Variants in NSMCE2 observed in about 807,000 individuals in gnomAD.
The protein encoded by NSMCE2 is NSE2 SUMO ligase component of SMC5/6 complex.
In NSMCE2, 24 loss-of-function variants were observed where a neutral mutation model predicts 23.8. The observed-to-expected ratio is 1.01, with a 90% CI of 0.73 to 1.42. NSMCE2 has a LOEUF of 1.42. Ranked by LOEUF, NSMCE2 falls within the 40% of genes most tolerant of loss-of-function variation. The probability of loss-of-function intolerance (pLI) is 0.00; values close to 1 mark genes in which losing one functional copy is unlikely to be tolerated. For missense variants in NSMCE2, 284 were observed against 296.5 expected (o/e 0.96, Z 0.31); for synonymous variants, 92 against 94.1 (o/e 0.98, Z 0.13).
intron 3 of NSMCE2, among the ~76,000 whole-genome samples, chr8:125,139,243 A>T (rs1820229193): frequency 6.6e-6 from 1 of 152,236 alleles, no homozygotes; most frequent in African/African-American, 2.4e-5. Context: ...TGTTTGCCTT[A>T]TTCACCACTG....
chr8:125,280,503 ACT>A (rs1827647084), intron 5 of NSMCE2, among the ~76,000 whole-genome samples: 1 of 152,240 alleles, frequency 6.6e-6, no homozygotes, highest in African/African-American at 2.4e-5. Flanking sequence ...AGCTGAGTTG[ACT>A]CTGGACTTTC....
At position 125,306,701 on chromosome 8, in the gene NSMCE2, T is replaced by C. The variant is rs567231116; in HGVS notation, c.419-50518T>C. ...ACCCAGTCTCAATTTATGGACTTTA[T>C]CTTGATATCCAGTCTTCATTTTGGT... is the stretch of plus-strand genomic sequence containing the variant. On this transcript the variant is annotated intron_variant, in intron 5 of 7. Coordinates refer to ENST00000287437, the MANE Select transcript of NSMCE2 (RefSeq NM_173685.4). Among the ~76,000 whole-genome samples, 10 of 152,344 alleles carry C rather than the reference T, an allele frequency of 6.6e-5. No individual in the cohort carries two copies. In the East Asian group the frequency reaches 1.9e-3, roughly 29 times the overall value.
intron 5 of NSMCE2, among the ~76,000 whole-genome samples, chr8:125,224,751 A>T (rs75530622): frequency 6.6e-6 from 1 of 152,150 alleles, no homozygotes; most frequent in Non-Finnish European, 1.5e-5. Context: ...AGGTAGGTAG[A>T]TAGTGTTATC....
chr8:125,343,547 G>A (rs900087000), intron 5 of NSMCE2, among the ~76,000 whole-genome samples: 5 of 152,136 alleles, frequency 3.3e-5, no homozygotes, highest in Non-Finnish European at 7.3e-5. Context: ...GCTGAGGTAG[G>A]AGGATTGCTT....
Position 125,136,483 on chromosome 8 carries a change from G to A in NSMCE2, c.158-14688G>A, listed in dbSNP as rs116567331. Among the ~76,000 whole-genome samples the A allele has an allele frequency of 5.6e-3, 853 of 152,212 alleles. 10 individuals carry two copies. The highest frequency in any genetic ancestry group is 0.019 in the African/African-American group (803 of 41,542). The stretch of plus-strand genomic sequence containing the variant: ...TGTTTTAGGTCTTGCATATAGTTTG[G>A]TTCTGTTTGGTTGCAGAGACTAGGT... On this transcript the variant is annotated intron_variant, in intron 3 of 7. Coordinates refer to ENST00000287437, the MANE Select transcript of NSMCE2 (RefSeq NM_173685.4).
intron 5 of NSMCE2, among the ~76,000 whole-genome samples, chr8:125,296,275 A>G (rs75930542): frequency 0.062 from 9,445 of 152,244 alleles, 376 homozygotes; most frequent in Non-Finnish European, 0.085. Context: ...GACATATTGA[A>G]TGAATACTAT....
chr8:125,104,351 A>G (rs1818350413), intron 3 of NSMCE2, among the ~76,000 whole-genome samples: 1 of 152,188 alleles, frequency 6.6e-6, no homozygotes, highest in African/African-American at 2.4e-5. Context: ...ATTGTGGATT[A>G]GGCTGATCCT....
At chr8:125,337,716 G>C (rs1280008472) in intron 5 of NSMCE2, among the ~76,000 whole-genome samples, 1 of 151,642 alleles carries the variant, frequency 6.6e-6, no homozygotes, top group African/African-American at 2.4e-5. Flanking sequence ...CCAACATGGA[G>C]AAACCCCGTC....
At chr8:125,264,609 A>G (rs1015942577) in intron 5 of NSMCE2, among the ~76,000 whole-genome samples, 1 of 152,102 alleles carries the variant, frequency 6.6e-6, no homozygotes, top group African/African-American at 2.4e-5. Flanking sequence ...GTGTTTCACC[A>G]TGTTGGCCAG....
intron 5 of NSMCE2, among the ~76,000 whole-genome samples, chr8:125,321,009 A>G (rs1021937551): frequency 4.0e-5 from 6 of 151,874 alleles, no homozygotes; most frequent in East Asian, 1.9e-4. Flanking sequence ...CTTTTCAACC[A>G]CCGGATCTCA....
At chr8:125,292,215 G>A (rs1331697269) in intron 5 of NSMCE2, among the ~76,000 whole-genome samples, 1 of 150,772 alleles carries the variant, frequency 6.6e-6, no homozygotes, top group Non-Finnish European at 1.5e-5. Context: ...AAGAAGCTAT[G>A]GGAGGAAAAA....
rs190114196 is a variant in NSMCE2 at position 125,250,874 on chromosome 8, T to A, written c.418+68618T>A. ...AATCCTGATCTTTACGCAGGAAGAT[T>A]TATGTTGACAGTTGATAATAATGTT... On this transcript the variant is annotated intron_variant, in intron 5 of 7. Coordinates refer to ENST00000287437, the MANE Select transcript of NSMCE2 (RefSeq NM_173685.4). 1.4e-4 allele frequency among the ~76,000 whole-genome samples: 22 copies of A among 152,316 alleles called. 1 individual carries two copies. Among genetic ancestry groups the A allele is most frequent in the Admixed American group, 1.4e-3 (22 of 15,296 alleles).
At chr8:125,233,539 G>T (rs1825417391) in intron 5 of NSMCE2, among the ~76,000 whole-genome samples, 1 of 152,094 alleles carries the variant, frequency 6.6e-6, no homozygotes, top group Non-Finnish European at 1.5e-5. Flanking sequence ...TGAATATATA[G>T]TAATTTTGTA....
At chr8:125,327,227 C>G (rs1463107211) in intron 5 of NSMCE2, among the ~76,000 whole-genome samples, 5 of 141,658 alleles carry the variant, frequency 3.5e-5, no homozygotes, top group Non-Finnish European at 6.0e-5. Flanking sequence ...GATCACACCA[C>G]TGCACCCCAG....
intron 3 of NSMCE2, among the ~76,000 whole-genome samples, chr8:125,106,562 G>A (rs1354091061): frequency 1.3e-5 from 2 of 151,698 alleles, no homozygotes; most frequent in African/African-American, 4.8e-5. Context: ...CCTGTAATCC[G>A]AGCTACTCAG....
chr8:125,330,670 C>A (rs1050576397), intron 5 of NSMCE2, among the ~76,000 whole-genome samples: 3 of 152,162 alleles, frequency 2.0e-5, no homozygotes, highest in African/African-American at 7.2e-5. Flanking sequence ...ATTTCTTAAG[C>A]CTCGAATGTA....
chr8:125,112,486 C>T (rs1020595781), intron 3 of NSMCE2, among the ~76,000 whole-genome samples: 1 of 152,072 alleles, frequency 6.6e-6, no homozygotes, highest in Non-Finnish European at 1.5e-5. Flanking sequence ...AGAAGCAAAC[C>T]TGAGTGTCTA....
At chr8:125,198,901 C>A (rs996746355) in intron 5 of NSMCE2, among the ~76,000 whole-genome samples, 1 of 152,144 alleles carries the variant, frequency 6.6e-6, no homozygotes, top group African/African-American at 2.4e-5. Context: ...CCACTTCTTC[C>A]TGGTGTAGTC....
intron 5 of NSMCE2, among the ~76,000 whole-genome samples, chr8:125,232,051 A>G (rs1490344756): frequency 6.6e-6 from 1 of 152,180 alleles, no homozygotes; most frequent in Admixed American, 6.5e-5. Context: ...CTTGAACATC[A>G]GTTGAGATGA....
Sources: allele counts gnomAD v4.1 joint callset (sites outside exome capture counted in the v4.1 genomes callset), GRCh38; gene constraint gnomAD v4.1.1; transcripts MANE v1.5; gene names NCBI Gene and HGNC (gene_info 2026-07-23, HGNC 2026-07-21).